The following CUBN variants were observed in gnomAD, a reference collection of about 807,000 sequenced individuals.
CUBN encodes the protein 460 kDa receptor.
A neutral mutation model predicts 405.3 loss-of-function variants in CUBN; 282 were observed. That is an observed-to-expected ratio of 0.70 (90% CI 0.63 to 0.77). The LOEUF is 0.77. Among genes scored for constraint, CUBN ranks in the 30% least tolerant of loss-of-function variants. CUBN has a pLI of 0.00. For missense variants in CUBN, 4,514 were observed against 4,475.2 expected, an observed-to-expected ratio of 1.01 and a Z score of -0.25; for synonymous variants, 1,684 against 1,617.0, an observed-to-expected ratio of 1.04 and a Z score of -0.99.
chr10:16,865,966 G>A (rs1015826014), intron 59 of CUBN, among the ~76,000 whole-genome samples: 1 of 152,050 alleles, frequency 6.6e-6, no homozygotes, highest in African/African-American at 2.4e-5. Flanking sequence ...ACCAACTCCA[G>A]AAACACAGGC....
chr10:16,861,170 T>C (rs576225155), intron 59 of CUBN, among the ~76,000 whole-genome samples: 1 of 152,226 alleles, frequency 6.6e-6, no homozygotes, highest in African/African-American at 2.4e-5. Flanking sequence ...AATGCCTTTT[T>C]TTTTTTTTTG....
intron 28 of CUBN, among the ~76,000 whole-genome samples, chr10:16,997,315 G>A (rs1048887579): frequency 7.9e-5 from 12 of 151,818 alleles, no homozygotes; most frequent in Admixed American, 7.2e-4. Context: ...GGCACCTGTA[G>A]TCCCAGCTAC....
chr10:16,849,512 TC>T (rs1839618482), intron 60 of CUBN, among the ~76,000 whole-genome samples: 1 of 152,190 alleles, frequency 6.6e-6, no homozygotes, highest in African/African-American at 2.4e-5. Context: ...TCTGTCTTGC[TC>T]TCACCAAACC....
chr10:17,075,980 T>C (rs529791887), intron 17 of CUBN, among the ~76,000 whole-genome samples: 51 of 152,348 alleles, frequency 3.3e-4, no homozygotes, highest in African/African-American at 1.2e-3. Context: ...TCTTGAAAAC[T>C]AGAAAGCATG....
At chr10:16,900,297 C>T (rs929767941) in intron 53 of CUBN, among the ~76,000 whole-genome samples, 1 of 152,228 alleles carries the variant, frequency 6.6e-6, no homozygotes, top group Admixed American at 6.5e-5. Flanking sequence ...CCAGGTTGTG[C>T]CATACCCTTT....
chr10:16,864,599 G>A (rs890348530), intron 59 of CUBN, among the ~76,000 whole-genome samples: 1 of 151,038 alleles, frequency 6.6e-6, no homozygotes, highest in African/African-American at 2.4e-5. Context: ...GTATCACCAA[G>A]CAATGATATC....
rs869150318 is a variant in CUBN at position 16,976,503 on chromosome 10, A to AT, written c.4695+5980dup. The stretch of plus-strand genomic sequence containing the variant: ...TTTTCTCTTTATCTTTGTTATTATT[A>AT]TTTTTTTTTTAGAAAAGTACGTCAT... On this transcript the variant is annotated intron_variant, in intron 31 of 66. Coordinates refer to ENST00000377833, the MANE Select transcript of CUBN (RefSeq NM_001081.4). Among the ~76,000 whole-genome samples the AT allele has an allele frequency of 2.8e-3, 84 of 30,522 alleles. No individual in the cohort carries two copies. The East Asian group carries it at 0.04, about 15-fold the overall frequency. 20.0% of individuals were successfully genotyped at this position (30,522 alleles called of 152,430 possible). A position where few individuals can be genotyped will look rare whatever the true frequency, so the allele number is the denominator to read the frequency against.
At position 17,047,329 on chromosome 10, in the gene CUBN, A is replaced by AT. The variant is rs35217629; in HGVS notation, c.3329+84dup. 182,161 of 1,148,186 alleles carry AT rather than the reference A, an allele frequency of 0.16. 17,648 individuals are homozygous for AT. Among genetic ancestry groups the AT allele is most frequent in the African/African-American group, 0.35 (22,528 of 63,588 alleles). 71.1% of individuals were successfully genotyped at this position (1,148,186 alleles called of 1,614,324 possible). ...AGGGAGCTTTGCAGAGAATTTCCAT[A>AT]TTTTTTTCCTTAATCTTCCTAGGAA... On this transcript the variant is annotated intron_variant, in intron 23 of 66. Coordinates refer to ENST00000377833, the MANE Select transcript of CUBN (RefSeq NM_001081.4).
chr10:17,061,663 A>G (rs182825657), intron 22 of CUBN, among the ~76,000 whole-genome samples: 84 of 152,274 alleles, frequency 5.5e-4, no homozygotes, highest in African/African-American at 2.0e-3. Context: ...GGAAGGAGGG[A>G]GGCCAAGAAA....
At position 17,070,227 on chromosome 10, in the gene CUBN, A is replaced by G. The variant is rs146895887; in HGVS notation, c.2625+1199T>C. Among the ~76,000 whole-genome samples the G allele has an allele frequency of 2.7e-3, 416 of 152,326 alleles. 5 individuals are homozygous for G. Among genetic ancestry groups the G allele is most frequent in the Middle Eastern group, 0.01 (3 of 294 alleles). Reference sequence around the variant, plus strand: ...TTGCAATTGTGTTCCATAGATCTATATTTATATCCTTACTTCAATAAGATA... The same window carrying G: ...TTGCAATTGTGTTCCATAGATCTATGTTTATATCCTTACTTCAATAAGATA... On this transcript the variant is annotated intron_variant, in intron 19 of 66. Coordinates refer to ENST00000377833, the MANE Select transcript of CUBN (RefSeq NM_001081.4).
intron 28 of CUBN, among the ~76,000 whole-genome samples, chr10:17,009,058 A>G (rs1323220472): frequency 1.3e-5 from 2 of 152,234 alleles, no homozygotes; most frequent in Non-Finnish European, 2.9e-5. Flanking sequence ...CTAAAGACCT[A>G]CTTCAGATGC....
chr10:17,100,800 AC>A (rs1256900379), intron 13 of CUBN, among the ~76,000 whole-genome samples: 1 of 152,180 alleles, frequency 6.6e-6, no homozygotes, highest in African/African-American at 2.4e-5. Context: ...CAAGGCCTGG[AC>A]GGCTTCAGGG....
At chr10:16,953,882 G>C (rs1252026966) in intron 32 of CUBN, among the ~76,000 whole-genome samples, 1 of 142,358 alleles carries the variant, frequency 7.0e-6, no homozygotes, top group Non-Finnish European at 1.5e-5. Flanking sequence ...AGAGAGATGA[G>C]GAAAAGGAAG....
chr10:16,911,289 A>G (rs193217223), intron 48 of CUBN, among the ~76,000 whole-genome samples: 2 of 152,358 alleles, frequency 1.3e-5, no homozygotes, highest in Admixed American at 1.3e-4. Context: ...TGGTGTTTAC[A>G]TAATCATGGT....
intron 27 of CUBN, among the ~76,000 whole-genome samples, chr10:17,037,942 C>CT (rs397846881): frequency 0.59 from 84,287 of 142,838 alleles, 25,966 homozygotes; most frequent in East Asian, 0.92. Flanking sequence ...ACACAGTCAC[C>CT]TTTTTTTTTT....
At chr10:16,854,242 T>C (rs571037770) in intron 59 of CUBN, among the ~76,000 whole-genome samples, 2 of 152,194 alleles carry the variant, frequency 1.3e-5, no homozygotes, top group Admixed American at 6.5e-5. Flanking sequence ...ATTTACATTA[T>C]ATGCATGGGC....
intron 27 of CUBN, among the ~76,000 whole-genome samples, chr10:17,034,719 G>A (rs1346589277): frequency 1.3e-5 from 2 of 152,158 alleles, no homozygotes; most frequent in African/African-American, 4.8e-5. Flanking sequence ...CTTTTCAGTA[G>A]AGACTGCAAT....
chr10:17,100,327 G>A (rs1407538239), intron 13 of CUBN, 88 bp from the exon 14 acceptor site: 5 of 861,622 alleles, frequency 5.8e-6, no homozygotes, highest in Non-Finnish European at 9.7e-6. Context: ...CATTCATACT[G>A]AGGCACTTTC....
chr10:16,929,980 C>T (rs1447184543), intron 40 of CUBN, among the ~76,000 whole-genome samples: 1 of 152,126 alleles, frequency 6.6e-6, no homozygotes, highest in Non-Finnish European at 1.5e-5. Context: ...GGGAAGATGA[C>T]CCAAAAATCA....
Sources: gnomAD v4.1 joint callset for allele counts (sites outside exome capture counted in the v4.1 genomes callset) on GRCh38, gnomAD v4.1.1 for gene constraint, MANE v1.5 for transcripts, NCBI Gene and HGNC (gene_info 2026-07-23, HGNC 2026-07-21) for gene names.